The following RASGRF2 variants were observed in gnomAD, a reference collection of about 807,000 sequenced individuals.
The protein encoded by RASGRF2 is ras-specific guanine nucleotide-releasing factor 2.
In RASGRF2, 76 loss-of-function variants were observed where a neutral mutation model predicts 151.0. That is an observed-to-expected ratio of 0.50 (90% CI 0.42 to 0.61). The LOEUF (loss-of-function observed/expected upper bound fraction) is 0.61, where lower values mean the gene tolerates loss of function less well. RASGRF2 is among the 20% of genes least tolerant of loss of function. RASGRF2 has a pLI of 0.00. For missense variants in RASGRF2, 1,148 were observed against 1,564.6 expected, an observed-to-expected ratio of 0.73 and a Z score of 4.49; for synonymous variants, 504 against 566.5, an observed-to-expected ratio of 0.89 and a Z score of 1.57.
In RASGRF2 at chr5:80,992,698, T is replaced by G. The variant is rs185999538; in HGVS notation, c.288+31672T>G. Among the ~76,000 whole-genome samples the G allele has an allele frequency of 1.9e-3, 286 of 152,306 alleles. 1 individual carries two copies. Among genetic ancestry groups the G allele is most frequent in the African/African-American group, 6.6e-3 (275 of 41,568 alleles). ...ACATGTCACTATTTTCAGTCTTTTT[T>G]GAAAGTTCATTCTGAATTTATCCCT... On this transcript the variant is annotated intron_variant, in intron 1 of 26. Transcript: ENST00000265080.
At chr5:81,044,022 T>C (rs55843125) in intron 2 of RASGRF2, among the ~76,000 whole-genome samples, 1 of 152,192 alleles carries the variant, frequency 6.6e-6, no homozygotes, top group African/African-American at 2.4e-5. Flanking sequence ...TGTATACACC[T>C]TGAGAATGAG....
intron 9 of RASGRF2, chr5:81,087,198 G>C (rs1311047613): frequency 1.4e-6 from 1 of 703,180 alleles, no homozygotes; most frequent in African/African-American, 1.7e-5. Flanking sequence ...CTGACTGGAC[G>C]CTCCTCCTCA....
At chr5:81,109,786 T>A (rs1752946878) in intron 13 of RASGRF2, among the ~76,000 whole-genome samples, 1 of 152,232 alleles carries the variant, frequency 6.6e-6, no homozygotes, top group South Asian at 2.1e-4. Flanking sequence ...CTCATTTGTG[T>A]AACCACTTAC....
chr5:81,189,380 C>T (rs11956122), intron 18 of RASGRF2, among the ~76,000 whole-genome samples: 2,718 of 152,240 alleles, frequency 0.018, 105 homozygotes, highest in African/African-American at 0.062. Flanking sequence ...AATTTGGTCT[C>T]AATGTGAAAT....
intron 1 of RASGRF2, among the ~76,000 whole-genome samples, chr5:81,017,629 G>T (rs1433272671): frequency 6.6e-6 from 1 of 152,206 alleles, no homozygotes; most frequent in African/African-American, 2.4e-5. Flanking sequence ...GTGTAACCAT[G>T]ATATGAAAAG....
intron 2 of RASGRF2, among the ~76,000 whole-genome samples, chr5:81,046,749 A>G (rs1357523251): frequency 6.6e-6 from 1 of 152,146 alleles, no homozygotes; most frequent in Non-Finnish European, 1.5e-5. Flanking sequence ...AGACACTAGG[A>G]CAATCAAAAA....
At chr5:81,094,551 TAGAG>T (rs1162122650) in intron 11 of RASGRF2, among the ~76,000 whole-genome samples, 189 bp downstream of exon 11, 1 of 152,156 alleles carries the variant, frequency 6.6e-6, no homozygotes, top group Non-Finnish European at 1.5e-5. Context: ...CAGTGGCAGA[TAGAG>T]AAGAAGGAAG....
intron 2 of RASGRF2, among the ~76,000 whole-genome samples, chr5:81,058,544 A>G (rs1483047224): frequency 1.3e-5 from 2 of 152,234 alleles, no homozygotes; most frequent in Admixed American, 6.5e-5. Flanking sequence ...GTAGTAAACT[A>G]GGGAGCCCTA....
At chr5:81,214,160 G>C (rs1046149747) in intron 23 of RASGRF2, among the ~76,000 whole-genome samples, 3 of 152,184 alleles carry the variant, frequency 2.0e-5, no homozygotes, top group Non-Finnish European at 4.4e-5. Context: ...TGCTGGTTTA[G>C]GAATAACCGA....
At chr5:80,976,849 C>T (rs546755336) in intron 1 of RASGRF2, among the ~76,000 whole-genome samples, 267 of 152,266 alleles carry the variant, frequency 1.8e-3, no homozygotes, top group African/African-American at 5.8e-3. Context: ...ACTTTCTGGC[C>T]ACTAGAAAGT....
intron 22 of RASGRF2, among the ~76,000 whole-genome samples, chr5:81,211,925 TTCTC>T (rs1223126666): frequency 3.3e-5 from 5 of 152,204 alleles, no homozygotes; most frequent in African/African-American, 9.7e-5. Context: ...GTTTTTTTCT[TTCTC>T]TGTGATAACT....
intron 1 of RASGRF2, among the ~76,000 whole-genome samples, chr5:81,022,650 C>T (rs927866925): frequency 2.6e-5 from 4 of 152,160 alleles, no homozygotes; most frequent in African/African-American, 4.8e-5. Context: ...CCACGTACCT[C>T]GGACCTCTCC....
At chr5:81,107,409 A>G (rs547432307) in intron 12 of RASGRF2, among the ~76,000 whole-genome samples, 1 of 152,298 alleles carries the variant, frequency 6.6e-6, no homozygotes, top group South Asian at 2.1e-4. Context: ...TGTTCACTAC[A>G]TTATTCAATA....
At chr5:80,986,211 A>T (rs1376702042) in intron 1 of RASGRF2, among the ~76,000 whole-genome samples, 3 of 152,204 alleles carry the variant, frequency 2.0e-5, no homozygotes, top group African/African-American at 7.2e-5. Context: ...GTTAATGGGA[A>T]ATGTCACTGG....
chr5:81,131,793 C>T (rs965486499), intron 17 of RASGRF2, among the ~76,000 whole-genome samples: 4 of 152,010 alleles, frequency 2.6e-5, no homozygotes, highest in African/African-American at 9.7e-5. Context: ...CCAGAGAATC[C>T]ATATCCTGCC....
chr5:80,993,264 C>T (rs753059683), intron 1 of RASGRF2, among the ~76,000 whole-genome samples: 46 of 152,208 alleles, frequency 3.0e-4, no homozygotes, highest in Non-Finnish European at 4.4e-4. Context: ...TACATTCTTC[C>T]GTGAATATTA....
rs75470679 is a variant in RASGRF2 at position 81,095,547 on chromosome 5, A to C, written c.1755+555A>C. ...GGGAATTGCTCCATTTATTTAGGAAATAATATGATTTAGAATATGTCAAAA... is the reference window on the plus strand; with the variant it reads ...GGGAATTGCTCCATTTATTTAGGAACTAATATGATTTAGAATATGTCAAAA... On this transcript the variant is annotated intron_variant, in intron 12 of 26. Coordinates refer to ENST00000265080, the MANE Select transcript of RASGRF2 (RefSeq NM_006909.3). Among the ~76,000 whole-genome samples the C allele has an allele frequency of 8.5e-5, 13 of 152,340 alleles. 1 individual carries two copies. The East Asian group carries it at 2.5e-3, about 29-fold the overall frequency.
At chr5:81,057,013 T>A (rs948300877) in intron 2 of RASGRF2, among the ~76,000 whole-genome samples, 1 of 152,168 alleles carries the variant, frequency 6.6e-6, no homozygotes, top group African/African-American at 2.4e-5. Flanking sequence ...ATTTTGAGCC[T>A]ATGTGTGTCT....
Position 81,068,049 on chromosome 5 carries a change from T to C in RASGRF2, c.413T>C (p.Ile138Thr). 3 of 1,604,368 alleles carry C rather than the reference T, an allele frequency of 1.9e-6. No homozygotes were observed. Among genetic ancestry groups the C allele is most frequent in the Non-Finnish European group, 2.6e-6 (3 of 1,175,192 alleles). Residue 138 changes from isoleucine to threonine, a missense_variant, in exon 3 of 27, where the codon ATT becomes ACT. Physicochemically the swap from Ile to Thr is moderately conservative, Grantham distance 89 (BLOSUM62 -1). This residue lies in a region of RASGRF2 where 221 missense variants were observed against 271.3 expected (regional missense o/e 0.81). Transcript: ENST00000265080. Reference protein sequence around the residue: ...IHQASYADILIEREVLMQKYI... With the variant: ...IHQASYADILTEREVLMQKYI... ...CTCTCAAGTTATGCAGACATTTTGA[T>C]TGAGAGGGAAGTATTAATGCAGAAG...
Sources: allele counts gnomAD v4.1 joint callset (sites outside exome capture counted in the v4.1 genomes callset), GRCh38; gene constraint gnomAD v4.1.1; regional missense constraint gnomAD v4.1.1; transcripts MANE v1.5; gene names NCBI Gene and HGNC (gene_info 2026-07-23, HGNC 2026-07-21).